CACNA2D2: variants seen among roughly 807,000 people sequenced by gnomAD.
CACNA2D2 encodes the protein calcium voltage-gated channel auxiliary subunit alpha2delta 2.
Under a neutral mutation model 166.4 loss-of-function variants are expected in CACNA2D2, and 48 were observed. The observed-to-expected ratio is 0.29, with a 90% CI of 0.23 to 0.37. The LOEUF (loss-of-function observed/expected upper bound fraction) is 0.37, where lower values mean the gene tolerates loss of function less well. CACNA2D2 is among the 10% of genes least tolerant of loss of function. The probability of loss-of-function intolerance (pLI) is 1.00; values close to 1 mark genes in which losing one functional copy is unlikely to be tolerated. For missense variants in CACNA2D2, 1,122 were observed against 1,433.0 expected, an observed-to-expected ratio of 0.78 and a Z score of 3.50; for synonymous variants, 561 against 573.7, an observed-to-expected ratio of 0.98 and a Z score of 0.32.
At chr3:50,372,407 G>A (rs1410357138) in intron 22 of CACNA2D2, among the ~76,000 whole-genome samples, 1 of 152,238 alleles carries the variant, frequency 6.6e-6, no homozygotes, top group Non-Finnish European at 1.5e-5. Flanking sequence ...GCAGCGGGCC[G>A]GCAGGACACG....
At chr3:50,370,152 A>G (rs1465966093) in intron 23 of CACNA2D2, among the ~76,000 whole-genome samples, 168 bp downstream of exon 23, 1 of 152,148 alleles carries the variant, frequency 6.6e-6, no homozygotes, top group Non-Finnish European at 1.5e-5. Context: ...CTGGTGCGGT[A>G]CATGGCCTGG....
chr3:50,371,631 C>T (rs1444544529), intron 22 of CACNA2D2, among the ~76,000 whole-genome samples: 1 of 152,130 alleles, frequency 6.6e-6, no homozygotes, highest in Admixed American at 6.5e-5. Flanking sequence ...TCCCACAATG[C>T]ACTGCAAGAT....
intron 22 of CACNA2D2, among the ~76,000 whole-genome samples, chr3:50,371,877 CG>C (rs1053409438): frequency 1.3e-5 from 2 of 150,996 alleles, no homozygotes; most frequent in Non-Finnish European, 2.9e-5. Context: ...GTGGGATGTG[CG>C]GGGGTGGGGA....
chr3:50,415,292 CAG>C (rs1455317662), intron 3 of CACNA2D2, among the ~76,000 whole-genome samples: 1 of 152,228 alleles, frequency 6.6e-6, no homozygotes. Context: ...AGGTGCTGTG[CAG>C]AGAGAGCTGA....
chr3:50,485,366 A>T (rs1698233407), intron 1 of CACNA2D2, among the ~76,000 whole-genome samples: 1 of 152,202 alleles, frequency 6.6e-6, no homozygotes, highest in Admixed American at 6.5e-5. Flanking sequence ...GAGCCACCCT[A>T]GTGGTTTTCA....
rs1704364340 is a variant in CACNA2D2 at position 50,367,287 on chromosome 3, G to C, written c.2401+107C>G. ...TTCACGTCTGCCCTGGCCTCAGCCA[G>C]CCTTGTGTTGGAGAGGGGCCTCAGA... On this transcript the variant is annotated intron_variant, in intron 27 of 37. Coordinates refer to ENST00000424201, the MANE Select transcript of CACNA2D2 (RefSeq NM_006030.4). The surrounding 1 kb of genome is among the most constrained non-coding windows in gnomAD (Gnocchi z 6.5). The C allele has an allele frequency of 8.7e-7, 1 of 1,150,420 alleles. No individual in the cohort carries two copies. The highest frequency in any genetic ancestry group is 1.3e-5 in the South Asian group (1 of 77,726). 71.3% of individuals were successfully genotyped at this position (1,150,420 alleles called of 1,614,324 possible).
At chr3:50,485,281 A>G (rs1404018310) in intron 1 of CACNA2D2, among the ~76,000 whole-genome samples, 1 of 151,096 alleles carries the variant, frequency 6.6e-6, no homozygotes, top group Admixed American at 6.6e-5. Flanking sequence ...CCGGAGCCAG[A>G]CTCCATGGGC....
In CACNA2D2 at chr3:50,375,675, T is replaced by C; in HGVS notation, c.1876A>G (p.Thr626Ala). The C allele has an allele frequency of 1.2e-6, 2 of 1,613,048 alleles. No individual in the cohort carries two copies. Among genetic ancestry groups the C allele is most frequent in the Non-Finnish European group, 1.7e-6 (2 of 1,179,810 alleles). ...RYIDEVTRNY[T>A]WVPIRSTNYS... ...TTAGTGCTCCTTATAGGCACCCAGGTGTAGTTCCGTGTCACCTCATCTATG... is the reference window on the plus strand; with the variant it reads ...TTAGTGCTCCTTATAGGCACCCAGGCGTAGTTCCGTGTCACCTCATCTATG... Residue 626 changes from threonine (T) to alanine (A), a missense_variant, in exon 21 of 38, where the codon ACC becomes GCC. Physicochemically the swap from Thr to Ala is moderately conservative, Grantham distance 58 (BLOSUM62 0). Around this residue, in one of 2 missense-constraint regions of CACNA2D2, gnomAD observed 840 missense variants for 1,166.8 expected, o/e 0.72. Coordinates refer to ENST00000424201, the MANE Select transcript of CACNA2D2 (RefSeq NM_006030.4). This position sits in a 1 kb window ranked among gnomAD's most constrained non-coding sequence, Gnocchi z 4.0.
intron 3 of CACNA2D2, among the ~76,000 whole-genome samples, chr3:50,433,589 G>C (rs2106888543): frequency 6.6e-6 from 1 of 152,220 alleles, no homozygotes; most frequent in South Asian, 2.1e-4. Context: ...CCTCTGATCT[G>C]GGGGGAGCTT....
intron 3 of CACNA2D2, among the ~76,000 whole-genome samples, chr3:50,408,358 G>T (rs543435021): frequency 8.1e-4 from 124 of 152,352 alleles, no homozygotes; most frequent in African/African-American, 2.9e-3. Context: ...GGATGTGGAC[G>T]CCTGAGGCTC....
chr3:50,498,457 C>T (rs1698814382), intron 1 of CACNA2D2, among the ~76,000 whole-genome samples: 3 of 152,240 alleles, frequency 2.0e-5, no homozygotes. Flanking sequence ...AGACTGGAAT[C>T]TGGAGAAGGA....
At chr3:50,439,543 G>A (rs1480393791) in intron 2 of CACNA2D2, among the ~76,000 whole-genome samples, 3 of 152,230 alleles carry the variant, frequency 2.0e-5, no homozygotes, top group Non-Finnish European at 2.9e-5. Context: ...CGGGGAGACT[G>A]GCGCTCCAAT....
In CACNA2D2 at chr3:50,363,432, A is replaced by G. The variant is rs1704034866; in HGVS notation, c.*1234T>C. 5.1e-6 allele frequency: 2 copies of G among 391,294 alleles called. No individual in the cohort carries two copies. The highest frequency in any genetic ancestry group is 7.3e-5 in the East Asian group (2 of 27,486). 24.2% of individuals were successfully genotyped at this position (391,294 alleles called of 1,614,324 possible). On this transcript the variant is annotated 3_prime_UTR_variant, in exon 38 of 38. Transcript: ENST00000424201. The stretch of plus-strand genomic sequence containing the variant: ...GATGCCTTTGGGGGAAATGACCAGA[A>G]TGAATGGTGTGAAGAGCTGTGCCCA...
chr3:50,463,131 T>C (rs188962367), intron 2 of CACNA2D2, among the ~76,000 whole-genome samples: 3 of 152,256 alleles, frequency 2.0e-5, no homozygotes, highest in Non-Finnish European at 4.4e-5. Context: ...CTCCTTAGAC[T>C]GAAACACTGA....
intron 2 of CACNA2D2, among the ~76,000 whole-genome samples, chr3:50,449,671 T>G (rs756444588): frequency 1.3e-5 from 2 of 152,184 alleles, no homozygotes; most frequent in Non-Finnish European, 2.9e-5. Flanking sequence ...AAGGACACCA[T>G]TAAGAAGGGT....
At chr3:50,461,773 A>G (rs1370368808) in intron 2 of CACNA2D2, among the ~76,000 whole-genome samples, 1 of 149,734 alleles carries the variant, frequency 6.7e-6, no homozygotes, top group Non-Finnish European at 1.5e-5. Context: ...AGAAAAAAAG[A>G]AAGAAAGGAA....
At chr3:50,398,863 TAC>T (rs1159856366) in intron 3 of CACNA2D2, among the ~76,000 whole-genome samples, 1 of 152,190 alleles carries the variant, frequency 6.6e-6, no homozygotes, top group Non-Finnish European at 1.5e-5. Context: ...GAACCATTCT[TAC>T]AGGAAAATGC....
At position 50,427,211 on chromosome 3, in the gene CACNA2D2, C is replaced by A. The variant is rs1018515118; in HGVS notation, c.405+7102G>T. Among the ~76,000 whole-genome samples, 2 of 152,222 alleles carry A rather than the reference C, an allele frequency of 1.3e-5. No homozygotes were observed. Among genetic ancestry groups the A allele is most frequent in the Non-Finnish European group, 2.9e-5 (2 of 68,036 alleles). On this transcript the variant is annotated intron_variant, in intron 3 of 37. Transcript: ENST00000424201. This position sits in a 1 kb window ranked among gnomAD's most constrained non-coding sequence, Gnocchi z 4.7. The stretch of plus-strand genomic sequence containing the variant: ...CCGCATGCTCCCTGGTTTCTCCTAG[C>A]GTTCACCACCAAGTCCCTTCCTTAT...
At position 50,366,398 on chromosome 3, in the gene CACNA2D2, C is replaced by G; in HGVS notation, c.2638-60G>C. On this transcript the variant is annotated intron_variant, in intron 30 of 37. Coordinates refer to ENST00000424201, the MANE Select transcript of CACNA2D2 (RefSeq NM_006030.4). This position sits in a 1 kb window ranked among gnomAD's most constrained non-coding sequence, Gnocchi z 5.9. ...GGGCTGGGCCCCGGACCTTCCACCG[C>G]AGGCAGTCCAGTGGTTCAGAGTTGG... 1 of 1,562,078 alleles carries G rather than the reference C, an allele frequency of 6.4e-7. No homozygotes were observed. Among genetic ancestry groups the G allele is most frequent in the Non-Finnish European group, 8.8e-7 (1 of 1,133,060 alleles).
Sources: allele counts gnomAD v4.1 joint callset (sites outside exome capture counted in the v4.1 genomes callset), GRCh38; gene constraint gnomAD v4.1.1; regional missense constraint gnomAD v4.1.1; non-coding constraint Gnocchi (gnomAD v3.1); transcripts MANE v1.5; gene names NCBI Gene and HGNC (gene_info 2026-07-23, HGNC 2026-07-21).